ANKRD11: variants seen among roughly 807,000 people sequenced by gnomAD.
The protein encoded by ANKRD11 is ankyrin repeat domain-containing protein 11.
A neutral mutation model predicts 195.7 loss-of-function variants in ANKRD11; 17 were observed. That is an observed-to-expected ratio of 0.09 (90% confidence interval 0.06 to 0.13). ANKRD11 has a LOEUF of 0.13. Ranked by LOEUF, ANKRD11 falls within the 10% of genes least tolerant of loss-of-function variation. The probability of loss-of-function intolerance (pLI) is 1.00; values close to 1 mark genes in which losing one functional copy is unlikely to be tolerated. For synonymous variants in ANKRD11, 1,953 were observed against 1,528.1 expected (o/e 1.28, Z -6.49); for missense variants, 3,735 against 3,566.1 (o/e 1.05, Z -1.21).
chr16:89,404,368 A>T (rs1244832377), intron 2 of ANKRD11, among the ~76,000 whole-genome samples: 1 of 152,240 alleles, frequency 6.6e-6, no homozygotes, highest in African/African-American at 2.4e-5. Flanking sequence ...ATCAAAGGGC[A>T]TGAAAAAAAT....
intron 2 of ANKRD11, among the ~76,000 whole-genome samples, chr16:89,342,645 A>T (rs182419958): frequency 6.6e-6 from 1 of 152,330 alleles, no homozygotes. Context: ...CCCAAGTATG[A>T]GCTGACATTC....
At position 89,280,201 on chromosome 16, in the gene ANKRD11, T is replaced by C. The variant is rs1310484071; in HGVS notation, c.6341A>G (p.Gln2114Arg). The C allele has an allele frequency of 2.5e-6, 4 of 1,608,246 alleles. No individual in the cohort carries two copies. Among genetic ancestry groups the C allele is most frequent in the Non-Finnish European group, 3.4e-6 (4 of 1,179,130 alleles). The change falls in exon 9 of 13, where the codon CAG (glutamine) becomes CGG (arginine). Residue 2114 changes from glutamine to arginine, a missense_variant. By Grantham distance (43) the Gln-to-Arg change is conservative. Coordinates refer to ENST00000301030, the MANE Select transcript of ANKRD11 (RefSeq NM_013275.6). The stretch of plus-strand genomic sequence containing the variant: ...GTCCGCCCAGGGCACCGGCTCCACC[T>C]GGCCGAGGTGAGACAGGCCGCGGCT... ...DGSRGLSHLG[Q>R]VEPVPWADAF...
chr16:89,292,112 G>C (rs1416257358), intron 4 of ANKRD11, among the ~76,000 whole-genome samples: 2 of 152,308 alleles, frequency 1.3e-5, no homozygotes, highest in African/African-American at 4.8e-5. Flanking sequence ...GTCATGGGGT[G>C]AAACTGCAGA....
intron 2 of ANKRD11, among the ~76,000 whole-genome samples, chr16:89,368,809 C>T (rs1025572909): frequency 5.7e-4 from 86 of 152,054 alleles, no homozygotes; most frequent in African/African-American, 1.7e-3. Flanking sequence ...CAGAGGCAGG[C>T]GGGATCGCTT....
intron 2 of ANKRD11, among the ~76,000 whole-genome samples, chr16:89,409,078 G>C (rs1178624611): frequency 2.6e-5 from 4 of 152,222 alleles, no homozygotes; most frequent in African/African-American, 9.7e-5. Context: ...GGCCAGAGCA[G>C]CCAAGGGAAG....
At chr16:89,476,359 G>C (rs569195944) in intron 1 of ANKRD11, among the ~76,000 whole-genome samples, 1 of 152,316 alleles carries the variant, frequency 6.6e-6, no homozygotes, top group East Asian at 1.9e-4. Context: ...TCAACTAGCA[G>C]ACTGTTAACG....
intron 2 of ANKRD11, among the ~76,000 whole-genome samples, chr16:89,415,765 T>C (rs1319861647): frequency 1.4e-5 from 2 of 138,450 alleles, no homozygotes; most frequent in South Asian, 4.7e-4. Context: ...GAGGTGGAGG[T>C]TGCAGTGAGC....
At chr16:89,269,467 T>C (rs930980552) in intron 12 of ANKRD11, among the ~76,000 whole-genome samples, 4 of 152,216 alleles carry the variant, frequency 2.6e-5, no homozygotes, top group African/African-American at 9.7e-5. Flanking sequence ...TCATAGCTTT[T>C]ACTCGGCAGC....
chr16:89,335,617 C>A (rs767590034), intron 2 of ANKRD11, among the ~76,000 whole-genome samples: 4 of 152,048 alleles, frequency 2.6e-5, no homozygotes, highest in Non-Finnish European at 5.9e-5. Flanking sequence ...GTTTGCAAAG[C>A]CCCGTCACAC....
intron 2 of ANKRD11, among the ~76,000 whole-genome samples, chr16:89,377,987 G>A (rs189778746): frequency 1.2e-4 from 18 of 151,910 alleles, no homozygotes; most frequent in Non-Finnish European, 2.2e-4. Flanking sequence ...TCTTCCTTAT[G>A]ATTTTCTTAA....
Position 89,291,572 on chromosome 16 carries a change from G to C in ANKRD11, c.227-389C>G. On this transcript the variant is annotated intron_variant, in intron 4 of 12. Transcript: ENST00000301030. The surrounding 1 kb of genome is among the most constrained non-coding windows in gnomAD (Gnocchi z 5.3). ...AGGTCTCTGTTCAATACACGTGTCT[G>C]TAATTCAATTCCACCTTCCCCGTCC... 1 of 879,048 alleles carries C rather than the reference G, an allele frequency of 1.1e-6. No individual in the cohort carries two copies. Among genetic ancestry groups the C allele is most frequent in the Non-Finnish European group, 1.6e-6 (1 of 608,524 alleles). 54.5% of individuals were successfully genotyped at this position (879,048 alleles called of 1,614,324 possible). A position where few individuals can be genotyped will look rare whatever the true frequency, so the allele number is the denominator to read the frequency against.
chr16:89,317,114 G>T, intron 2 of ANKRD11, 36 bp from the exon 3 acceptor site: 1 of 1,385,708 alleles, frequency 7.2e-7, no homozygotes, highest in Non-Finnish European at 9.9e-7. Context: ...ACTGAATTCA[G>T]AGGCAGCTCA....
At chr16:89,352,498 C>T (rs1289968414) in intron 2 of ANKRD11, among the ~76,000 whole-genome samples, 1 of 152,112 alleles carries the variant, frequency 6.6e-6, no homozygotes, top group Non-Finnish European at 1.5e-5. Flanking sequence ...GGCTCACACC[C>T]TTCAGAGCTT....
At chr16:89,373,575 G>A (rs770392529) in intron 2 of ANKRD11, 8 of 152,286 alleles carry the variant, frequency 5.3e-5, no homozygotes, top group Non-Finnish European at 1.0e-4. Context: ...AGACACCAGC[G>A]ATTCGAGAGA....
intron 1 of ANKRD11, among the ~76,000 whole-genome samples, chr16:89,449,183 T>G (rs2043946038): frequency 7.5e-6 from 1 of 133,022 alleles, no homozygotes; most frequent in African/African-American, 2.9e-5. Flanking sequence ...AAACCCAGTC[T>G]CTACAAAAAA....
At chr16:89,286,558 C>G in intron 7 of ANKRD11, 1 of 771,406 alleles carries the variant, frequency 1.3e-6, no homozygotes, top group Non-Finnish European at 1.8e-6. Context: ...AGCTCCTCAG[C>G]AGAGTGGTGC....
chr16:89,373,745 C>A lies in ANKRD11; in HGVS notation c.-60+44539G>T, dbSNP rs1249438995. Among the ~76,000 whole-genome samples the A allele has an allele frequency of 5.3e-5, 8 of 152,374 alleles. No individual in the cohort carries two copies. The East Asian group carries it at 7.7e-4, about 15-fold the overall frequency. On this transcript the variant is annotated intron_variant, in intron 2 of 12. Transcript: ENST00000301030. ...CCACGCGGGAGGCATGCACACGACA[C>A]CCCTCCCACACCTACCTGGGATCCC...
chr16:89,282,827 G>A lies in ANKRD11; in HGVS notation c.3715C>T (p.Pro1239Ser), dbSNP rs1488664550. 3 of 1,611,026 alleles carry A rather than the reference G, an allele frequency of 1.9e-6. No homozygotes were observed. The highest frequency in any genetic ancestry group is 2.2e-5 in the East Asian group (1 of 44,884). ...TQDKKNKQKL[P>S]EKAEKKHAAE... The stretch of plus-strand genomic sequence containing the variant: ...GCGTGCTTCTTTTCAGCCTTCTCGG[G>A]GAGCTTCTGTTTATTTTTCTTATCT... Residue 1239 changes from proline (P) to serine (S), a missense_variant, in exon 9 of 13, where the codon CCC (proline) becomes TCC (serine). Coordinates refer to ENST00000301030, the MANE Select transcript of ANKRD11 (RefSeq NM_013275.6).
intron 1 of ANKRD11, among the ~76,000 whole-genome samples, chr16:89,484,542 G>T (rs141319402): frequency 5.8e-4 from 89 of 152,234 alleles, no homozygotes; most frequent in Admixed American, 9.2e-4. Context: ...TTTATTCTAA[G>T]CCATTAGCAT....
Sources: gnomAD v4.1 joint callset for allele counts (sites outside exome capture counted in the v4.1 genomes callset) on GRCh38, gnomAD v4.1.1 for gene constraint, Gnocchi (gnomAD v3.1) non-coding constraint, MANE v1.5 for transcripts, NCBI Gene and HGNC (gene_info 2026-07-23, HGNC 2026-07-21) for gene names.